Variants in KCNQ1 observed in about 807,000 individuals in gnomAD.
KCNQ1 encodes potassium voltage-gated channel subfamily KQT member 1.
In KCNQ1, 49 loss-of-function variants were observed where a neutral mutation model predicts 72.4. The ratio of observed to expected loss-of-function variants is 0.68; its 90% CI spans 0.54 to 0.86. KCNQ1 has a LOEUF of 0.86. KCNQ1 is among the 40% of genes least tolerant of loss of function. The probability of loss-of-function intolerance (pLI) is 0.00; values close to 1 mark genes in which losing one functional copy is unlikely to be tolerated. For missense variants in KCNQ1, 790 were observed against 945.1 expected (o/e 0.84, Z 2.15); for synonymous variants, 450 against 412.6 (o/e 1.09, Z -1.10).
intron 1 of KCNQ1, among the ~76,000 whole-genome samples, chr11:2,501,324 G>T (rs1157423771): frequency 1.5e-5 from 1 of 66,468 alleles, no homozygotes; most frequent in East Asian, 4.0e-4. Context: ...AGTAACTAAA[G>T]TCAGAGACAA....
At chr11:2,662,119 G>A (rs1426023954) in intron 11 of KCNQ1, 38 bp downstream of exon 11, 2 of 1,613,620 alleles carry the variant, frequency 1.2e-6, no homozygotes, top group Non-Finnish European at 1.7e-6. Context: ...TGGGCTGGAG[G>A]GGACTGGAGC....
intron 15 of KCNQ1, among the ~76,000 whole-genome samples, chr11:2,780,858 G>A (rs1395076959): frequency 1.3e-5 from 2 of 152,114 alleles, no homozygotes; most frequent in East Asian, 1.9e-4. Context: ...ACAGTCCTGC[G>A]GGCTCGTCAA....
intron 6 of KCNQ1, among the ~76,000 whole-genome samples, chr11:2,581,995 C>T (rs1016534914): frequency 1.3e-5 from 2 of 152,206 alleles, no homozygotes; most frequent in African/African-American, 4.8e-5. Context: ...CATAAGCGAA[C>T]GTGCGGTCAG....
chr11:2,578,264 G>A (rs1377909452), intron 6 of KCNQ1, among the ~76,000 whole-genome samples: 1 of 152,194 alleles, frequency 6.6e-6, no homozygotes, highest in Admixed American at 6.5e-5. Flanking sequence ...CCTGAGGCCA[G>A]ACGGACAGGG....
chr11:2,580,215 A>G (rs977523888), intron 6 of KCNQ1, among the ~76,000 whole-genome samples: 9 of 151,490 alleles, frequency 5.9e-5, no homozygotes, highest in Admixed American at 2.0e-4. Context: ...CCTCAGGCCA[A>G]TTCCTGCCTC....
Position 2,683,058 on chromosome 11 carries a change from G to A in KCNQ1, c.1514+20977G>A, listed in dbSNP as rs1590029674. 1.0e-5 allele frequency: 4 copies of A among 398,660 alleles called. No individual in the cohort carries two copies. The East Asian group carries it at 1.4e-4, about 14-fold the overall frequency. The allele number at this position is 398,660 out of a possible 1,614,324, so 24.7% of individuals were successfully genotyped here. A position where few individuals can be genotyped will look rare whatever the true frequency, so the allele number is the denominator to read the frequency against. Reference sequence around the variant, plus strand: ...CCTTCTCCCACTTCTTACAGGCAAGGCTCTTGCTAGCCTGAGGACCAGGAG... The same window carrying A: ...CCTTCTCCCACTTCTTACAGGCAAGACTCTTGCTAGCCTGAGGACCAGGAG... On this transcript the variant is annotated intron_variant, in intron 11 of 15. Transcript: ENST00000155840. The surrounding 1 kb of genome is among the most constrained non-coding windows in gnomAD (Gnocchi z 4.7).
At chr11:2,775,614 G>T (rs1846679556) in intron 12 of KCNQ1, among the ~76,000 whole-genome samples, 2 of 151,538 alleles carry the variant, frequency 1.3e-5, no homozygotes, top group African/African-American at 4.9e-5. Flanking sequence ...TTGACCCCTT[G>T]GGGGGGCCAG....
At chr11:2,496,329 C>A (rs571426630) in intron 1 of KCNQ1, among the ~76,000 whole-genome samples, 1 of 151,684 alleles carries the variant, frequency 6.6e-6, no homozygotes, top group Admixed American at 6.6e-5. Context: ...CCCAGCTACT[C>A]GGCAGGCTGA....
rs960981501 is a variant in KCNQ1 at position 2,559,389 on chromosome 11, C to T, written c.478-11239C>T. Among the ~76,000 whole-genome samples the T allele has an allele frequency of 3.9e-5, 6 of 152,168 alleles. No individual in the cohort carries two copies. The South Asian group carries it at 1.2e-3, about 32-fold the overall frequency. ...TCTTGTTGACACCCCGGGATGTGCCCTTGTGGCTACTTAGACGTAGAGCCC... is the reference window on the plus strand; with the variant it reads ...TCTTGTTGACACCCCGGGATGTGCCTTTGTGGCTACTTAGACGTAGAGCCC... On this transcript the variant is annotated intron_variant, in intron 2 of 15. Coordinates refer to ENST00000155840, the MANE Select transcript of KCNQ1 (RefSeq NM_000218.3). The surrounding 1 kb of genome is among the most constrained non-coding windows in gnomAD (Gnocchi z 4.9).
chr11:2,593,177 G>A lies in KCNQ1; in HGVS notation c.1393+4323G>A, dbSNP rs1848692130. On this transcript the variant is annotated intron_variant, in intron 10 of 15. Coordinates refer to ENST00000155840, the MANE Select transcript of KCNQ1 (RefSeq NM_000218.3). This position sits in a 1 kb window ranked among gnomAD's most constrained non-coding sequence, Gnocchi z 6.9. ...TAAAAATGCAGGGCTGTGCCACCAG[G>A]GTTTTGTCTTGACAAAGGGACTGGA... is the stretch of plus-strand genomic sequence containing the variant. Among the ~76,000 whole-genome samples, 2 of 152,180 alleles carry A rather than the reference G, an allele frequency of 1.3e-5. No homozygotes were observed. Among genetic ancestry groups the A allele is most frequent in the African/African-American group, 4.8e-5 (2 of 41,444 alleles).
At position 2,683,112 on chromosome 11, in the gene KCNQ1, A is replaced by G. The variant is rs563452841; in HGVS notation, c.1514+21031A>G. On this transcript the variant is annotated intron_variant, in intron 11 of 15. Coordinates refer to ENST00000155840, the MANE Select transcript of KCNQ1 (RefSeq NM_000218.3). The surrounding 1 kb of genome is among the most constrained non-coding windows in gnomAD (Gnocchi z 4.7). ...TCAGATTTTCTTGTTCCCAGGATAT[A>G]TCGCACCAACTCAGGAGGGTGTGGG... 5 of 368,114 alleles carry G rather than the reference A, an allele frequency of 1.4e-5. No individual in the cohort carries two copies. In the South Asian group the frequency reaches 7.2e-4, roughly 53 times the overall value. The allele number at this position is 368,114 out of a possible 1,614,324, so 22.8% of individuals were successfully genotyped here. A position where few individuals can be genotyped will look rare whatever the true frequency, so the allele number is the denominator to read the frequency against.
chr11:2,630,081 C>T, intron 10 of KCNQ1: 1 of 398,256 alleles, frequency 2.5e-6, no homozygotes, highest in Admixed American at 4.4e-5. Flanking sequence ...TATTGTGTTG[C>T]AGTACATTCC....
chr11:2,794,542 ACT>A (rs904629426), intron 15 of KCNQ1, among the ~76,000 whole-genome samples: 69 of 152,146 alleles, frequency 4.5e-4, no homozygotes, highest in African/African-American at 1.6e-3. Flanking sequence ...GGCTCATGTG[ACT>A]CAGCCCTGAG....
chr11:2,808,907 G>A lies in KCNQ1; in HGVS notation c.1794+30870G>A, dbSNP rs746610627. ...ACACATGGACAATGGGTGGGTAGAT[G>A]GGTGAATAGATGGGTGGACAGATGG... On this transcript the variant is annotated intron_variant, in intron 15 of 15. Transcript: ENST00000155840. The surrounding 1 kb of genome is among the most constrained non-coding windows in gnomAD (Gnocchi z 6.0). Among the ~76,000 whole-genome samples, 1 of 152,010 alleles carries A rather than the reference G, an allele frequency of 6.6e-6. No homozygotes were observed. Among genetic ancestry groups the A allele is most frequent in the Non-Finnish European group, 1.5e-5 (1 of 68,014 alleles).
At chr11:2,571,977 C>T in intron 4 of KCNQ1, 36 bp from the exon 5 acceptor site, 1 of 1,574,296 alleles carries the variant, frequency 6.4e-7, no homozygotes, top group South Asian at 1.1e-5. Context: ...CTGAGCCCAG[C>T]CTGGCTCCCT....
rs924842663 is a variant in KCNQ1 at position 2,564,978 on chromosome 11, G to A, written c.478-5650G>A. On this transcript the variant is annotated intron_variant, in intron 2 of 15. Transcript: ENST00000155840. The surrounding 1 kb of genome is among the most constrained non-coding windows in gnomAD (Gnocchi z 4.5). ...GGGAGGGACCACATCTTCCGTCTCC[G>A]TCGGTGCACTGAGGGACACTGGGCT... 6.6e-6 allele frequency among the ~76,000 whole-genome samples: 1 copy of A among 152,158 alleles called. No individual in the cohort carries two copies. Among genetic ancestry groups the A allele is most frequent in the African/African-American group, 2.4e-5 (1 of 41,430 alleles).
intron 14 of KCNQ1, 118 bp downstream of exon 14, chr11:2,777,150 G>A: frequency 1.0e-6 from 1 of 998,510 alleles, no homozygotes; most frequent in Non-Finnish European, 1.6e-6. Flanking sequence ...CAAAGTGCAT[G>A]ACATGAAATG....
Position 2,830,100 on chromosome 11 carries a change from G to A in KCNQ1, c.1795-17667G>A. 6.6e-6 allele frequency among the ~76,000 whole-genome samples: 1 copy of A among 151,472 alleles called. No individual in the cohort carries two copies. The highest frequency in any genetic ancestry group is 1.5e-5 in the Non-Finnish European group (1 of 67,842). On this transcript the variant is annotated intron_variant, in intron 15 of 15. Transcript: ENST00000155840. The surrounding 1 kb of genome is among the most constrained non-coding windows in gnomAD (Gnocchi z 7.7). ...AGGAAGAGATTGGCCAAGGAGCTCTGAGAGGGGAAGGTGGGTGCATGCCAC... is the reference window on the plus strand; with the variant it reads ...AGGAAGAGATTGGCCAAGGAGCTCTAAGAGGGGAAGGTGGGTGCATGCCAC...
chr11:2,690,101 T>C lies in KCNQ1; in HGVS notation c.1514+28020T>C. 1 of 398,986 alleles carries C rather than the reference T, an allele frequency of 2.5e-6. No individual in the cohort carries two copies. Among genetic ancestry groups the C allele is most frequent in the East Asian group, 3.6e-5 (1 of 28,080 alleles). The allele number at this position is 398,986 out of a possible 1,614,324, so 24.7% of individuals were successfully genotyped here. On this transcript the variant is annotated intron_variant, in intron 11 of 15. Coordinates refer to ENST00000155840, the MANE Select transcript of KCNQ1 (RefSeq NM_000218.3). The surrounding 1 kb of genome is among the most constrained non-coding windows in gnomAD (Gnocchi z 5.1). ...GAAGGCACAGCAGGGACAATCGCTC[T>C]TCCGGGGTTAGAACTGGGGGAGCAG...
Sources: allele counts gnomAD v4.1 joint callset (sites outside exome capture counted in the v4.1 genomes callset), GRCh38; gene constraint gnomAD v4.1.1; non-coding constraint Gnocchi (gnomAD v3.1); transcripts MANE v1.5; gene names NCBI Gene and HGNC (gene_info 2026-07-23, HGNC 2026-07-21).